Variants in PTPN6 observed in about 807,000 individuals in gnomAD.
PTPN6 encodes tyrosine-protein phosphatase non-receptor type 6.
PTPN6 carries 18 observed loss-of-function variants against 81.5 expected under a neutral mutation model. That is an observed-to-expected ratio of 0.22 (90% confidence interval 0.15 to 0.33). The LOEUF (loss-of-function observed/expected upper bound fraction) is 0.33, where lower values mean the gene tolerates loss of function less well. Ranked by LOEUF, PTPN6 falls within the 10% of genes least tolerant of loss-of-function variation. The pLI, the probability that PTPN6 is intolerant of heterozygous loss-of-function variation, is 1.00. For missense variants in PTPN6, 500 were observed against 794.2 expected, an observed-to-expected ratio of 0.63 and a Z score of 4.45; for synonymous variants, 301 against 310.9, an observed-to-expected ratio of 0.97 and a Z score of 0.33.
rs1945990633 is a variant in PTPN6 at position 6,954,700 on chromosome 12, G to C, written c.327-105G>C. On this transcript the variant is annotated intron_variant, in intron 3 of 15. Coordinates refer to ENST00000318974, the MANE Select transcript of PTPN6 (RefSeq NM_002831.6). This position sits in a 1 kb window ranked among gnomAD's most constrained non-coding sequence, Gnocchi z 5.4. The stretch of plus-strand genomic sequence containing the variant: ...TTTGGAAGCATGTAGCGCAGTGCCT[G>C]GCACACAGTAGGTGCTTGATTTCCG... 1 of 1,171,224 alleles carries C rather than the reference G, an allele frequency of 8.5e-7. No individual in the cohort carries two copies. The highest frequency in any genetic ancestry group is 1.2e-6 in the Non-Finnish European group (1 of 815,358). The allele number at this position is 1,171,224 out of a possible 1,614,324, so 72.6% of individuals were successfully genotyped here. A position where few individuals can be genotyped will look rare whatever the true frequency, so the allele number is the denominator to read the frequency against.
Position 6,952,525 on chromosome 12 carries a change from T to C in PTPN6, c.326+348T>C, listed in dbSNP as rs1555147945. On this transcript the variant is annotated intron_variant, in intron 3 of 15. Coordinates refer to ENST00000318974, the MANE Select transcript of PTPN6 (RefSeq NM_002831.6). This position sits in a 1 kb window ranked among gnomAD's most constrained non-coding sequence, Gnocchi z 8.1. ...CAGCTCTGTTGTTAGAAAGCTCTTC[T>C]TCCTCTGGAATCGAGCCTGCCTTCC... is the stretch of plus-strand genomic sequence containing the variant. The C allele has an allele frequency of 7.9e-6, 3 of 381,154 alleles. No homozygotes were observed. The highest frequency in any genetic ancestry group is 3.9e-5 in the Admixed American group (1 of 25,512). The allele number at this position is 381,154 out of a possible 1,614,324, so 23.6% of individuals were successfully genotyped here. A position where few individuals can be genotyped will look rare whatever the true frequency, so the allele number is the denominator to read the frequency against.
rs1285220882 is a variant in PTPN6, at chr12:6,952,428, C to CCCTGGCCGCTGCAACCCAGGT, written c.326+254_326+274dup. 1 of 568,124 alleles carries CCCTGGCCGCTGCAACCCAGGT rather than the reference C, an allele frequency of 1.8e-6. No individual in the cohort carries two copies. The highest frequency in any genetic ancestry group is 3.1e-6 in the Non-Finnish European group (1 of 317,962). The allele number at this position is 568,124 out of a possible 1,614,324, so 35.2% of individuals were successfully genotyped here. On this transcript the variant is annotated intron_variant, in intron 3 of 15. Transcript: ENST00000318974. The surrounding 1 kb of genome is among the most constrained non-coding windows in gnomAD (Gnocchi z 8.1). ...AAGCTGCCTCGCCCTACTCCGGGAG[C>CCCTGGCCGCTGCAACCCAGGT]CCTGGCCGCTGCAACCCAGGTCCCA...
At chr12:6,951,261 C>T (rs1945918128), upstream of PTPN6, 1 of 1,441,654 alleles carries the variant, frequency 6.9e-7, no homozygotes, top group Non-Finnish European at 9.1e-7. The surrounding 1 kb of genome is among the most constrained non-coding windows in gnomAD (Gnocchi z 7.2). Context: ...TGCTTCTCTT[C>T]CCTTGCTGTG....
At position 6,957,901 on chromosome 12, in the gene PTPN6, C is replaced by T. The variant is rs1442858244; in HGVS notation, c.1207-18C>T. 2 of 1,613,846 alleles carry T rather than the reference C, an allele frequency of 1.2e-6. No individual in the cohort carries two copies. Among genetic ancestry groups the T allele is most frequent in the African/African-American group, 2.7e-5 (2 of 74,890 alleles). ...TTCCGAGAGAGGAGGGGGCACTGAC[C>T]CTATGTCCTCGGCTTAGGGAGACCT... On this transcript the variant is annotated intron_variant, in intron 10 of 15. Coordinates refer to ENST00000318974, the MANE Select transcript of PTPN6 (RefSeq NM_002831.6). This position sits in a 1 kb window ranked among gnomAD's most constrained non-coding sequence, Gnocchi z 6.5.
chr12:6,960,835 A>G lies in PTPN6; in HGVS notation c.1703A>G (p.His568Arg). The G allele has an allele frequency of 6.3e-6, 10 of 1,575,120 alleles. No individual in the cohort carries two copies. The highest frequency in any genetic ancestry group is 8.6e-6 in the Non-Finnish European group (10 of 1,159,704). The change falls in exon 15 of 16, where the codon CAC becomes CGC. Residue 568 changes from histidine to arginine, a missense_variant. His to Arg is a conservative substitution (Grantham distance 29). Transcript: ENST00000318974. This position sits in a 1 kb window ranked among gnomAD's most constrained non-coding sequence, Gnocchi z 6.1. The stretch of plus-strand genomic sequence containing the variant: ...AAGGAGGATGTGTATGAGAACCTGC[A>G]CACTAAGAACAAGAGGGAGGAGAAA... ...KHKEDVYENL[H>R]TKNKREEKVK... is the part of the protein sequence containing the mutation.
At position 6,955,040 on chromosome 12, in the gene PTPN6, T is replaced by C. The variant is rs782665059; in HGVS notation, c.516+46T>C. 3 of 1,611,288 alleles carry C rather than the reference T, an allele frequency of 1.9e-6. No homozygotes were observed. Among genetic ancestry groups the C allele is most frequent in the Admixed American group, 3.3e-5 (2 of 60,000 alleles). On this transcript the variant is annotated intron_variant, in intron 4 of 15. Coordinates refer to ENST00000318974, the MANE Select transcript of PTPN6 (RefSeq NM_002831.6). This position sits in a 1 kb window ranked among gnomAD's most constrained non-coding sequence, Gnocchi z 7.2. ...GGGAGCCTCTGCTGAGGCTCCTGTC[T>C]GTGACCACAGTGTGGGTGGCAGGGA...
rs1946042138 is a variant in PTPN6, at chr12:6,956,910, C to A, written c.1074+342C>A. Among the ~76,000 whole-genome samples, 1 of 152,168 alleles carries A rather than the reference C, an allele frequency of 6.6e-6. No individual in the cohort carries two copies. Among genetic ancestry groups the A allele is most frequent in the South Asian group, 2.1e-4 (1 of 4,834 alleles). ...CTGCAGGCTCCCCCTACACAGCACC[C>A]TCTGTGCTGCCATTGAAGTGATCCC... On this transcript the variant is annotated intron_variant, in intron 9 of 15. Transcript: ENST00000318974. The surrounding 1 kb of genome is among the most constrained non-coding windows in gnomAD (Gnocchi z 4.1).
chr12:6,960,781 C>G lies in PTPN6; in HGVS notation c.1674-25C>G. 6.4e-7 allele frequency: 1 copy of G among 1,553,306 alleles called. No individual in the cohort carries two copies. Among genetic ancestry groups the G allele is most frequent in the Non-Finnish European group, 8.7e-7 (1 of 1,147,860 alleles). ...TCCTGACCTGCACCAACTGCCTGTACTTGCCCCCCTGCACCCGGCTGCAGA... is the reference window on the plus strand; with the variant it reads ...TCCTGACCTGCACCAACTGCCTGTAGTTGCCCCCCTGCACCCGGCTGCAGA... On this transcript the variant is annotated intron_variant, in intron 14 of 15. Transcript: ENST00000318974. This position sits in a 1 kb window ranked among gnomAD's most constrained non-coding sequence, Gnocchi z 6.1.
chr12:6,955,573 A>G lies in PTPN6; in HGVS notation c.748-87A>G, dbSNP rs782710705. On this transcript the variant is annotated intron_variant, in intron 6 of 15. Coordinates refer to ENST00000318974, the MANE Select transcript of PTPN6 (RefSeq NM_002831.6). This position sits in a 1 kb window ranked among gnomAD's most constrained non-coding sequence, Gnocchi z 7.2. ...GGCGGACACCTTCCCCTCCTTGCCC[A>G]CCTCTGCTCCTGACCCACCCCACGT... is the stretch of plus-strand genomic sequence containing the variant. 2 of 1,558,036 alleles carry G rather than the reference A, an allele frequency of 1.3e-6. No homozygotes were observed. The highest frequency in any genetic ancestry group is 1.8e-6 in the Non-Finnish European group (2 of 1,130,330).
In PTPN6 at chr12:6,956,079, AC is replaced by A; in HGVS notation, c.845-60del. The A allele has an allele frequency of 1.3e-6, 2 of 1,542,690 alleles. No homozygotes were observed. The highest frequency in any genetic ancestry group is 9.0e-7 in the Non-Finnish European group (1 of 1,115,656). On this transcript the variant is annotated intron_variant, in intron 7 of 15. Transcript: ENST00000318974. The surrounding 1 kb of genome is among the most constrained non-coding windows in gnomAD (Gnocchi z 4.1). ...TGGCCTGTTAGCTCAGGAGGGTCTG[AC>A]CCAGGTGTGGTGAGTCCCTGGCTAA...
chr12:6,957,025 G>A lies in PTPN6; in HGVS notation c.1074+457G>A, dbSNP rs1015792582. ...CTTTGGGATAAAGTCGCACTCTAAG[G>A]CCTGGCATTCAAGGTCTGGTGGCTT... On this transcript the variant is annotated intron_variant, in intron 9 of 15. Coordinates refer to ENST00000318974, the MANE Select transcript of PTPN6 (RefSeq NM_002831.6). The surrounding 1 kb of genome is among the most constrained non-coding windows in gnomAD (Gnocchi z 6.5). Among the ~76,000 whole-genome samples the A allele has an allele frequency of 1.3e-5, 2 of 152,128 alleles. No homozygotes were observed. The highest frequency in any genetic ancestry group is 2.1e-4 in the South Asian group (1 of 4,826).
At position 6,952,275 on chromosome 12, in the gene PTPN6, A is replaced by G; in HGVS notation, c.326+98A>G. ...GGGAGACTGGCAGCCGGCGCTGCCT[A>G]CCCTCCATCCCCTCCCCTCCCTGCA... On this transcript the variant is annotated intron_variant, in intron 3 of 15. Coordinates refer to ENST00000318974, the MANE Select transcript of PTPN6 (RefSeq NM_002831.6). This position sits in a 1 kb window ranked among gnomAD's most constrained non-coding sequence, Gnocchi z 8.1. 1 of 1,427,030 alleles carries G rather than the reference A, an allele frequency of 7.0e-7. No individual in the cohort carries two copies. The highest frequency in any genetic ancestry group is 9.8e-7 in the Non-Finnish European group (1 of 1,020,130). The allele number at this position is 1,427,030 out of a possible 1,614,324, so 88.4% of individuals were successfully genotyped here.
chr12:6,957,157 ACT>A lies in PTPN6; in HGVS notation c.1075-491_1075-490del, dbSNP rs1299040021. Among the ~76,000 whole-genome samples the A allele has an allele frequency of 2.0e-5, 3 of 151,480 alleles. No individual in the cohort carries two copies. Among genetic ancestry groups the A allele is most frequent in the African/African-American group, 7.3e-5 (3 of 41,190 alleles). Reference sequence around the variant, plus strand: ...CAAGCTCATTTTCTGCTAGGAAATGACTCTCTCCACACTATCTCTGCCTGGCA... The same window carrying A: ...CAAGCTCATTTTCTGCTAGGAAATGACTCTCCACACTATCTCTGCCTGGCA... On this transcript the variant is annotated intron_variant, in intron 9 of 15. Transcript: ENST00000318974. The surrounding 1 kb of genome is among the most constrained non-coding windows in gnomAD (Gnocchi z 6.5).
Position 6,951,794 on chromosome 12 carries a change from A to G in PTPN6, c.131+63A>G, listed in dbSNP as rs1175616576. On this transcript the variant is annotated intron_variant, in intron 2 of 15. Transcript: ENST00000318974. This position sits in a 1 kb window ranked among gnomAD's most constrained non-coding sequence, Gnocchi z 7.2. The stretch of plus-strand genomic sequence containing the variant: ...CTCTCTTGTGCCATCCAGGCCCTGA[A>G]CCACTCATTCCTGGTTCCCCGTGGC... The G allele has an allele frequency of 1.2e-6, 2 of 1,602,748 alleles. No homozygotes were observed. Among genetic ancestry groups the G allele is most frequent in the Non-Finnish European group, 1.7e-6 (2 of 1,179,474 alleles).
At position 6,958,092 on chromosome 12, in the gene PTPN6, A is replaced by G. The variant is rs1946064733; in HGVS notation, c.1361+19A>G. 1 of 1,607,628 alleles carries G rather than the reference A, an allele frequency of 6.2e-7. No homozygotes were observed. The highest frequency in any genetic ancestry group is 1.3e-5 in the African/African-American group (1 of 75,034). The stretch of plus-strand genomic sequence containing the variant: ...ACTGCAGGTGAGGATGATAATCCTG[A>G]TGGTAGTAGTGACAGCTGAGAAGTA... On this transcript the variant is annotated intron_variant, in intron 11 of 15. Transcript: ENST00000318974.
rs782605040 is a variant in PTPN6, at chr12:6,955,374, G to A, written c.636G>A (p.Pro212=). The A allele has an allele frequency of 7.4e-6, 12 of 1,614,014 alleles. No individual in the cohort carries two copies. The highest frequency in any genetic ancestry group is 2.7e-5 in the African/African-American group (2 of 75,004). Residue 212 remains proline (P), a splice_region_variant and synonymous_variant, in exon 6 of 16, where the codon CCG becomes CCA. Transcript: ENST00000318974. The surrounding 1 kb of genome is among the most constrained non-coding windows in gnomAD (Gnocchi z 7.2). ...CTTCTCGCTCTTCCCCACCCCAGCC[G>A]TACTATGCCACGAGGGTGAATGCGG... The part of the protein sequence containing the change: ...ASGAFVYLRQ[P]YYATRVNAAD...
upstream of PTPN6, chr12:6,946,672 C>G (rs1591678709): frequency 3.3e-6 from 5 of 1,517,884 alleles, no homozygotes; most frequent in East Asian, 4.6e-5. Context: ...GTGCCGCTGG[C>G]TCAGCCCCGC....
upstream of PTPN6, among the ~76,000 whole-genome samples, chr12:6,949,025 G>T (rs1453868401): frequency 5.9e-5 from 9 of 151,838 alleles, no homozygotes; most frequent in Non-Finnish European, 1.3e-4. Context: ...TGGCTCCCTA[G>T]CCCTGCTGAT....
rs782370180 is a variant in PTPN6 at position 6,957,018 on chromosome 12, C to T, written c.1074+450C>T. ...TGGTCACCTTTGGGATAAAGTCGCA[C>T]TCTAAGGCCTGGCATTCAAGGTCTG... On this transcript the variant is annotated intron_variant, in intron 9 of 15. Transcript: ENST00000318974. The surrounding 1 kb of genome is among the most constrained non-coding windows in gnomAD (Gnocchi z 6.5). Among the ~76,000 whole-genome samples, 3 of 152,230 alleles carry T rather than the reference C, an allele frequency of 2.0e-5. No individual in the cohort carries two copies. Among genetic ancestry groups the T allele is most frequent in the Non-Finnish European group, 4.4e-5 (3 of 68,038 alleles).
Sources: gnomAD v4.1 joint callset for allele counts (sites outside exome capture counted in the v4.1 genomes callset) on GRCh38, gnomAD v4.1.1 for gene constraint, Gnocchi (gnomAD v3.1) non-coding constraint, MANE v1.5 for transcripts, NCBI Gene and HGNC (gene_info 2026-07-23, HGNC 2026-07-21) for gene names.